RPGRIP1L: variants seen among roughly 807,000 people sequenced by gnomAD.
RPGRIP1L encodes the protein RPGRIP1 like.
In RPGRIP1L, 131 loss-of-function variants were observed where a neutral mutation model predicts 160.4. The observed-to-expected ratio is 0.82, with a 90% CI of 0.71 to 0.94. The LOEUF (loss-of-function observed/expected upper bound fraction) is 0.94, where lower values mean the gene tolerates loss of function less well. RPGRIP1L is among the 40% of genes least tolerant of loss of function. RPGRIP1L has a pLI of 0.00. For synonymous variants in RPGRIP1L, 510 were observed against 515.8 expected, an observed-to-expected ratio of 0.99 and a Z score of 0.15; for missense variants, 1,522 against 1,535.8, an observed-to-expected ratio of 0.99 and a Z score of 0.15.
intron 20 of RPGRIP1L, among the ~76,000 whole-genome samples, chr16:53,638,067 A>T (rs1323912424): frequency 6.6e-6 from 1 of 152,166 alleles, no homozygotes; most frequent in Non-Finnish European, 1.5e-5. Flanking sequence ...AAGAATAAAA[A>T]ATGTATTAAT....
intron 6 of RPGRIP1L, among the ~76,000 whole-genome samples, chr16:53,685,671 T>C (rs1184214935): frequency 1.4e-5 from 2 of 139,636 alleles, no homozygotes; most frequent in Non-Finnish European, 3.0e-5. Flanking sequence ...CATGGACACA[T>C]AGGGTGGGGG....
chr16:53,701,546 T>C (rs991260321), intron 1 of RPGRIP1L: 1 of 150,428 alleles, frequency 6.6e-6, no homozygotes, highest in Non-Finnish European at 1.5e-5. Flanking sequence ...TAAAGGATTT[T>C]ATATTTTCAT....
intron 26 of RPGRIP1L, among the ~76,000 whole-genome samples, chr16:53,603,726 T>C (rs1216393614): frequency 6.7e-6 from 1 of 150,322 alleles, no homozygotes; most frequent in Non-Finnish European, 1.5e-5. Flanking sequence ...CCAAGAAAAT[T>C]TGTTAGAAAG....
At chr16:53,677,254 T>A (rs1305596940) in intron 6 of RPGRIP1L, among the ~76,000 whole-genome samples, 1 of 152,112 alleles carries the variant, frequency 6.6e-6, no homozygotes, top group Non-Finnish European at 1.5e-5. Context: ...TACGTAGTAT[T>A]TAGACAACAG....
intron 2 of RPGRIP1L, among the ~76,000 whole-genome samples, chr16:53,696,717 CTA>C (rs1334959706): frequency 6.6e-6 from 1 of 152,066 alleles, no homozygotes; most frequent in African/African-American, 2.4e-5. Context: ...TTTTTCTGTG[CTA>C]TGAGTGTCTT....
chr16:53,619,749 G>A (rs1479369522), intron 23 of RPGRIP1L, among the ~76,000 whole-genome samples: 2 of 152,072 alleles, frequency 1.3e-5, no homozygotes, highest in Admixed American at 1.3e-4. Context: ...ATACTTTGTT[G>A]AATAAATAAT....
At chr16:53,632,998 C>T (rs1211729143) in intron 22 of RPGRIP1L, among the ~76,000 whole-genome samples, 1 of 152,150 alleles carries the variant, frequency 6.6e-6, no homozygotes, top group African/African-American at 2.4e-5. Flanking sequence ...AGGGAAAGAA[C>T]TGCTTCTTTT....
intron 16 of RPGRIP1L, among the ~76,000 whole-genome samples, chr16:53,647,644 G>T (rs894180706): frequency 6.6e-6 from 1 of 152,132 alleles, no homozygotes; most frequent in Non-Finnish European, 1.5e-5. Context: ...ATCTGCTAAC[G>T]CAAACCTGGC....
At chr16:53,697,834 T>C (rs368437917) in intron 2 of RPGRIP1L, among the ~76,000 whole-genome samples, 2 of 149,320 alleles carry the variant, frequency 1.3e-5, no homozygotes, top group African/African-American at 5.0e-5. Flanking sequence ...TCGTCTGGGA[T>C]GTGAAGAGCC....
intron 23 of RPGRIP1L, among the ~76,000 whole-genome samples, chr16:53,620,254 T>C (rs1048790423): frequency 1.3e-5 from 2 of 152,198 alleles, no homozygotes; most frequent in African/African-American, 2.4e-5. Flanking sequence ...AAAGCATAAG[T>C]ATCCTATTGT....
chr16:53,658,331 G>A (rs756864558), intron 12 of RPGRIP1L, 83 bp downstream of exon 12: 7 of 982,578 alleles, frequency 7.1e-6, no homozygotes, highest in Admixed American at 1.7e-5. Context: ...TTCTCCAAAT[G>A]TAAGGGTTAC....
At chr16:53,684,512 A>G (rs995116679) in intron 6 of RPGRIP1L, among the ~76,000 whole-genome samples, 1 of 150,432 alleles carries the variant, frequency 6.6e-6, no homozygotes, top group African/African-American at 2.4e-5. Flanking sequence ...CAAACACCGC[A>G]TGTTCTCACT....
chr16:53,631,537 T>A (rs1032315425), intron 22 of RPGRIP1L, among the ~76,000 whole-genome samples: 3 of 152,170 alleles, frequency 2.0e-5, no homozygotes, highest in Non-Finnish European at 4.4e-5. Flanking sequence ...ATGCAAAAGA[T>A]GGATTGTTAA....
chr16:53,637,244 TCTC>T (rs1965898055), intron 21 of RPGRIP1L, among the ~76,000 whole-genome samples: 1 of 152,052 alleles, frequency 6.6e-6, no homozygotes, highest in Non-Finnish European at 1.5e-5. Context: ...CCTCAAAAAA[TCTC>T]CTCAGGTCCC....
intron 9 of RPGRIP1L, among the ~76,000 whole-genome samples, chr16:53,665,258 C>G (rs1055186875): frequency 6.6e-6 from 1 of 152,108 alleles, no homozygotes; most frequent in African/African-American, 2.4e-5. Context: ...GAAAAGTTGG[C>G]AGTATGCAGC....
chr16:53,667,468 C>A (rs955322927), intron 9 of RPGRIP1L, among the ~76,000 whole-genome samples: 1 of 152,166 alleles, frequency 6.6e-6, no homozygotes, highest in Non-Finnish European at 1.5e-5. Flanking sequence ...CTGGGTACAG[C>A]GGCTCATGCC....
At chr16:53,645,393 C>A (rs956607737) in intron 17 of RPGRIP1L, among the ~76,000 whole-genome samples, 8 of 151,188 alleles carry the variant, frequency 5.3e-5, no homozygotes, top group African/African-American at 1.9e-4. Context: ...TAATTAAATA[C>A]CTTAAGTATT....
chr16:53,652,785 G>A lies in RPGRIP1L; in HGVS notation c.1902C>T (p.Thr634=), dbSNP rs138097384. ...SGDKEPVTFC[T]YAFYDFELQT... is the part of the protein sequence containing the mutation. ...GTAGTTCAAAATCATAGAAAGCATA[G>A]GTACAGAAAGTGACAGGCTCTTTAT... Residue 634 remains threonine, a synonymous_variant, in exon 15 of 27, where the codon ACC becomes ACT. Transcript: ENST00000647211. 5.0e-6 allele frequency: 8 copies of A among 1,613,936 alleles called. No homozygotes were observed. The highest frequency in any genetic ancestry group is 1.3e-5 in the African/African-American group (1 of 74,912).
At chr16:53,602,643 T>C (rs1021345742) in intron 26 of RPGRIP1L, among the ~76,000 whole-genome samples, 2 of 151,964 alleles carry the variant, frequency 1.3e-5, no homozygotes, top group African/African-American at 4.8e-5. Flanking sequence ...AGCATGGTGG[T>C]GCATGCCTGT....
Sources: allele counts gnomAD v4.1 joint callset (sites outside exome capture counted in the v4.1 genomes callset), GRCh38; gene constraint gnomAD v4.1.1; transcripts MANE v1.5; gene names NCBI Gene and HGNC (gene_info 2026-07-23, HGNC 2026-07-21).